REC114: variants seen among roughly 807,000 people sequenced by gnomAD.
REC114 encodes meiotic recombination protein REC114.
REC114 carries 27 observed loss-of-function variants against 31.3 expected under a neutral mutation model. The ratio of observed to expected loss-of-function variants is 0.86; its 90% CI spans 0.64 to 1.19. The LOEUF (loss-of-function observed/expected upper bound fraction) is 1.19. REC114 is among the 50% of genes most tolerant of loss of function. The pLI is 0.00. For missense variants in REC114, 344 were observed against 326.9 expected (o/e 1.05, Z -0.40); for synonymous variants, 134 against 127.7 (o/e 1.05, Z -0.33).
intron 2 of REC114, among the ~76,000 whole-genome samples, chr15:73,503,702 A>C (rs1893633934): frequency 6.6e-6 from 1 of 152,126 alleles, no homozygotes; most frequent in African/African-American, 2.4e-5. Context: ...AATGAGTTTT[A>C]GCATCTTTTC....
chr15:73,528,436 G>T (rs1402137017), intron 2 of REC114, among the ~76,000 whole-genome samples: 1 of 152,128 alleles, frequency 6.6e-6, no homozygotes, highest in Non-Finnish European at 1.5e-5. Flanking sequence ...ACCTGAATCT[G>T]CAAGCTTCTT....
chr15:73,550,242 TG>T lies in REC114; in HGVS notation c.334-695del, dbSNP rs375450042. ...TAATCTAGATGTTTTTACACTTAGA[TG>T]TTTTTATACTTGTAATCAAATAAGT... On this transcript the variant is annotated intron_variant, in intron 3 of 5. Transcript: ENST00000331090. Among the ~76,000 whole-genome samples the T allele has an allele frequency of 8.3e-4, 127 of 152,346 alleles. 3 individuals are homozygous for T. The East Asian group carries it at 0.018, about 21-fold the overall frequency.
intron 3 of REC114, among the ~76,000 whole-genome samples, chr15:73,543,124 C>A (rs1566948650): frequency 6.6e-6 from 1 of 152,032 alleles, no homozygotes; most frequent in Non-Finnish European, 1.5e-5. Context: ...CTTTAATTTG[C>A]ATTTCTTGTT....
intron 2 of REC114, among the ~76,000 whole-genome samples, chr15:73,480,790 G>A (rs1373146922): frequency 7.2e-5 from 11 of 152,110 alleles, no homozygotes; most frequent in Non-Finnish European, 1.6e-4. Context: ...CGATTCTCCT[G>A]CCTCAGTCTT....
intron 2 of REC114, among the ~76,000 whole-genome samples, chr15:73,505,595 G>A (rs1011118005): frequency 1.3e-5 from 2 of 151,802 alleles, no homozygotes; most frequent in Non-Finnish European, 2.9e-5. Flanking sequence ...GCAGTGGCGC[G>A]ATCTCCGCTC....
At chr15:73,469,455 C>T (rs888665424) in intron 1 of REC114, among the ~76,000 whole-genome samples, 6 of 151,558 alleles carry the variant, frequency 4.0e-5, no homozygotes, top group African/African-American at 1.5e-4. Context: ...ACTCTGTTAC[C>T]CAGGCCTCTG....
intron 2 of REC114, among the ~76,000 whole-genome samples, chr15:73,524,962 G>A (rs988786431): frequency 1.3e-5 from 2 of 152,102 alleles, no homozygotes; most frequent in African/African-American, 2.4e-5. Flanking sequence ...GCATTTCTTC[G>A]AAGAACTGCA....
intron 2 of REC114, among the ~76,000 whole-genome samples, chr15:73,532,260 T>G (rs1301688535): frequency 6.7e-6 from 1 of 150,334 alleles, no homozygotes; most frequent in Non-Finnish European, 1.5e-5. Context: ...TTGCGATAGT[T>G]TACTGAGAAT....
chr15:73,549,067 G>T (rs952988473), intron 3 of REC114, among the ~76,000 whole-genome samples: 1 of 151,928 alleles, frequency 6.6e-6, no homozygotes, highest in East Asian at 1.9e-4. Flanking sequence ...TAACGAATGG[G>T]TACTAGGCTT....
chr15:73,526,397 C>T lies in REC114; in HGVS notation c.250-14088C>T, dbSNP rs141271354. Reference sequence around the variant, plus strand: ...TTGTTTGTTTCTTTTTCCCTCTTTTCGTTACTTTTGGGTTAATTCAGTGTT... The same window carrying T: ...TTGTTTGTTTCTTTTTCCCTCTTTTTGTTACTTTTGGGTTAATTCAGTGTT... On this transcript the variant is annotated intron_variant, in intron 2 of 5. Transcript: ENST00000331090. Among the ~76,000 whole-genome samples the T allele has an allele frequency of 2.1e-3, 316 of 152,022 alleles. 4 individuals carry two copies. Among genetic ancestry groups the T allele is most frequent in the African/African-American group, 7.3e-3 (301 of 41,464 alleles).
At chr15:73,549,092 G>A (rs911619654) in intron 3 of REC114, among the ~76,000 whole-genome samples, 9 of 152,090 alleles carry the variant, frequency 5.9e-5, no homozygotes, top group African/African-American at 1.4e-4. Context: ...CCTGGGTGAC[G>A]CAATAATCTG....
intron 2 of REC114, among the ~76,000 whole-genome samples, chr15:73,495,046 A>T (rs1188117565): frequency 6.6e-6 from 1 of 152,166 alleles, no homozygotes; most frequent in Non-Finnish European, 1.5e-5. Flanking sequence ...TTTAAAAGAG[A>T]TTCTGCTTTG....
rs561715733 is a variant in REC114 at position 73,492,185 on chromosome 15, C to T, written c.249+18264C>T. Among the ~76,000 whole-genome samples, 6 of 152,234 alleles carry T rather than the reference C, an allele frequency of 3.9e-5. No individual in the cohort carries two copies. In the South Asian group the frequency reaches 6.2e-4, roughly 16 times the overall value. On this transcript the variant is annotated intron_variant, in intron 2 of 5. Transcript: ENST00000331090. Reference sequence around the variant, plus strand: ...CCAGTGACTACTACACACCCCACTCCGCAAAGACTAACCACCATCTGACTT... The same window carrying T: ...CCAGTGACTACTACACACCCCACTCTGCAAAGACTAACCACCATCTGACTT...
chr15:73,526,389 C>T (rs532282358), intron 2 of REC114, among the ~76,000 whole-genome samples: 1 of 151,710 alleles, frequency 6.6e-6, no homozygotes, highest in East Asian at 1.9e-4. Flanking sequence ...TTTCTTTTTC[C>T]CTCTTTTCGT....
At chr15:73,540,688 G>T in intron 3 of REC114, 120 bp downstream of exon 3, 2 of 850,614 alleles carry the variant, frequency 2.4e-6, no homozygotes, top group East Asian at 2.5e-5. Context: ...GTTTAAGAAA[G>T]GTTTGTACTA....
At chr15:73,491,544 C>T (rs1314100964) in intron 2 of REC114, among the ~76,000 whole-genome samples, 1 of 152,096 alleles carries the variant, frequency 6.6e-6, no homozygotes, top group Admixed American at 6.6e-5. Flanking sequence ...TTGGGTTGCC[C>T]AGTAAGTGTC....
intron 2 of REC114, among the ~76,000 whole-genome samples, chr15:73,499,215 G>A (rs951283363): frequency 2.0e-5 from 3 of 151,860 alleles, no homozygotes; most frequent in African/African-American, 4.8e-5. Flanking sequence ...AAGTAATTGC[G>A]ATTTTGCCAG....
chr15:73,444,873 G>A (rs1045634678), intron 1 of REC114, among the ~76,000 whole-genome samples: 7 of 152,332 alleles, frequency 4.6e-5, no homozygotes, highest in African/African-American at 1.4e-4. Flanking sequence ...ATGGGCTGCA[G>A]AATGAATGTT....
At chr15:73,473,524 A>T (rs1893163465) in intron 1 of REC114, among the ~76,000 whole-genome samples, 1 of 152,232 alleles carries the variant, frequency 6.6e-6, no homozygotes, top group Non-Finnish European at 1.5e-5. Flanking sequence ...AGAATAAATT[A>T]TTTATTAAAA....
Sources: allele counts gnomAD v4.1 joint callset (sites outside exome capture counted in the v4.1 genomes callset), GRCh38; gene constraint gnomAD v4.1.1; transcripts MANE v1.5; gene names NCBI Gene and HGNC (gene_info 2026-07-23, HGNC 2026-07-21).